The following LPIN1 variants were observed in gnomAD, a reference collection of about 807,000 sequenced individuals.
The protein encoded by LPIN1 is phosphatidate phosphatase LPIN1.
A neutral mutation model predicts 107.5 loss-of-function variants in LPIN1; 71 were observed. That is an observed-to-expected ratio of 0.66 (90% CI 0.55 to 0.80). The LOEUF is 0.80. Ranked by LOEUF, LPIN1 falls within the 30% of genes least tolerant of loss-of-function variation. LPIN1 has a pLI of 0.00. For missense variants in LPIN1, 1,043 were observed against 1,160.6 expected (o/e 0.90, Z 1.47); for synonymous variants, 445 against 452.6 (o/e 0.98, Z 0.21).
rs142424992 is a variant in LPIN1 at position 11,750,091 on chromosome 2, C to T, written c.-10+3420C>T. Among the ~76,000 whole-genome samples the T allele has an allele frequency of 5.1e-3, 783 of 152,312 alleles. 13 individuals are homozygous for T. Among genetic ancestry groups the T allele is most frequent in the African/African-American group, 0.018 (743 of 41,560 alleles). On this transcript the variant is annotated intron_variant, in intron 1 of 20. Coordinates refer to ENST00000674199, the MANE Select transcript of LPIN1 (RefSeq NM_001349206.2). ...CACGCACTTGTGCCCCCCTCCCCTCCCCGGCCTCGCTCCCTGGAAGCCCTC... is the reference window on the plus strand; with the variant it reads ...CACGCACTTGTGCCCCCCTCCCCTCTCCGGCCTCGCTCCCTGGAAGCCCTC...
intron 16 of LPIN1, among the ~76,000 whole-genome samples, chr2:11,804,865 T>C (rs970876977): frequency 1.3e-5 from 2 of 152,144 alleles, no homozygotes; most frequent in African/African-American, 2.4e-5. Flanking sequence ...GTCACCTCGA[T>C]GCATGATCAG....
intron 1 of LPIN1, among the ~76,000 whole-genome samples, chr2:11,685,911 G>A (rs183324644): frequency 6.6e-6 from 1 of 152,194 alleles, no homozygotes; most frequent in African/African-American, 2.4e-5. Context: ...TTCTTTTGGG[G>A]TTGCATTCAA....
At chr2:11,824,345 C>T (rs1682066640) in intron 20 of LPIN1, among the ~76,000 whole-genome samples, 1 of 151,456 alleles carries the variant, frequency 6.6e-6, no homozygotes, top group Non-Finnish European at 1.5e-5. Context: ...GTGACTTCCT[C>T]CTGCCGTCTT....
At chr2:11,768,976 C>A (rs6745921) in intron 3 of LPIN1, among the ~76,000 whole-genome samples, 2,870 of 152,046 alleles carry the variant, frequency 0.019, 89 homozygotes, top group African/African-American at 0.064. Flanking sequence ...CCAAAAAAAA[C>A]CAACTTGGGT....
At chr2:11,709,685 C>T (rs958158485) in intron 1 of LPIN1, among the ~76,000 whole-genome samples, 1 of 152,224 alleles carries the variant, frequency 6.6e-6, no homozygotes, top group African/African-American at 2.4e-5. Context: ...AAATGTTACC[C>T]TGCTTTTACA....
chr2:11,756,481 TG>T (rs1668708646), intron 1 of LPIN1, among the ~76,000 whole-genome samples: 1 of 152,138 alleles, frequency 6.6e-6, no homozygotes, highest in Non-Finnish European at 1.5e-5. Flanking sequence ...CTCTGCCTCC[TG>T]GGTTCAAGCA....
chr2:11,764,557 G>A (rs1322161282), intron 1 of LPIN1, among the ~76,000 whole-genome samples: 4 of 152,232 alleles, frequency 2.6e-5, no homozygotes, highest in South Asian at 2.1e-4. Flanking sequence ...AGGAGAGATG[G>A]CCTGAATGTT....
chr2:11,799,764 A>C (rs559780584), intron 14 of LPIN1, among the ~76,000 whole-genome samples: 140 of 152,130 alleles, frequency 9.2e-4, no homozygotes, highest in African/African-American at 3.2e-3. Context: ...TTTTGGGTGG[A>C]TGTGATTCAG....
At position 11,786,675 on chromosome 2, in the gene LPIN1, G is replaced by A. The variant is rs1177298665; in HGVS notation, c.1550-399G>A. On this transcript the variant is annotated intron_variant, in intron 10 of 20. Coordinates refer to ENST00000674199, the MANE Select transcript of LPIN1 (RefSeq NM_001349206.2). This position sits in a 1 kb window ranked among gnomAD's most constrained non-coding sequence, Gnocchi z 4.1. ...CCCCATGCTAGAGGAGGGAACTGGGGCCTGGGAGGTGAACCGCTTGCCCAG... is the reference window on the plus strand; with the variant it reads ...CCCCATGCTAGAGGAGGGAACTGGGACCTGGGAGGTGAACCGCTTGCCCAG... 6.6e-6 allele frequency among the ~76,000 whole-genome samples: 1 copy of A among 152,188 alleles called. No homozygotes were observed. The highest frequency in any genetic ancestry group is 1.9e-4 in the East Asian group (1 of 5,190).
At chr2:11,713,258 A>G (rs1024376824) in intron 1 of LPIN1, among the ~76,000 whole-genome samples, 1 of 152,348 alleles carries the variant, frequency 6.6e-6, no homozygotes, top group African/African-American at 2.4e-5. Context: ...ATGTGCTCAA[A>G]GAAAAGACAC....
intron 1 of LPIN1, among the ~76,000 whole-genome samples, chr2:11,689,196 T>C (rs577548879): frequency 6.6e-5 from 10 of 152,218 alleles, no homozygotes; most frequent in African/African-American, 1.2e-4. Flanking sequence ...TACCGATCCT[T>C]GTAAGAAACA....
intron 1 of LPIN1, among the ~76,000 whole-genome samples, chr2:11,711,171 C>T (rs1031373571): frequency 2.6e-5 from 4 of 152,112 alleles, no homozygotes; most frequent in East Asian, 3.8e-4. Flanking sequence ...TTCTGGTGCC[C>T]GTGTGACTGT....
rs1311091364 is a variant in LPIN1, at chr2:11,697,890, G to C, written c.82-15866G>C. Among the ~76,000 whole-genome samples, 1 of 152,268 alleles carries C rather than the reference G, an allele frequency of 6.6e-6. No homozygotes were observed. Among genetic ancestry groups the C allele is most frequent in the African/African-American group, 2.4e-5 (1 of 41,566 alleles). ...TGCTCAGAAATGCAGGTTCTCCCGA[G>C]GGGCAGCCCTCAGTCACAAGCCAGA... On this transcript the variant is annotated intron_variant, in intron 1 of 21. Coordinates refer to the LPIN1 transcript ENST00000449576. The surrounding 1 kb of genome is among the most constrained non-coding windows in gnomAD (Gnocchi z 4.6).
chr2:11,798,496 CA>C (rs1558257412), intron 14 of LPIN1, among the ~76,000 whole-genome samples: 1 of 152,184 alleles, frequency 6.6e-6, no homozygotes, highest in Non-Finnish European at 1.5e-5. Flanking sequence ...TCAGCTCTTG[CA>C]GTTTACTTGG....
intron 7 of LPIN1, among the ~76,000 whole-genome samples, chr2:11,781,066 T>C (rs1345492276): frequency 6.6e-6 from 1 of 152,226 alleles, no homozygotes; most frequent in African/African-American, 2.4e-5. Flanking sequence ...TGTAAGGTCC[T>C]TAGAAGATGC....
intron 9 of LPIN1, chr2:11,784,442 C>T (rs1360551733): frequency 1.3e-5 from 14 of 1,109,268 alleles, no homozygotes; most frequent in Non-Finnish European, 1.6e-5. Flanking sequence ...CAGCACCGGG[C>T]TGCCCTCCCT....
intron 18 of LPIN1, chr2:11,818,013 T>C (rs1680890839): frequency 6.7e-6 from 1 of 150,086 alleles, no homozygotes; most frequent in South Asian, 2.1e-4. Flanking sequence ...AAAGCAAGTA[T>C]CTGTGAACGT....
chr2:11,712,993 CT>C, intron 1 of LPIN1, among the ~76,000 whole-genome samples: 1 of 152,174 alleles, frequency 6.6e-6, no homozygotes, highest in Non-Finnish European at 1.5e-5. Context: ...ACTCCTGTCA[CT>C]TGGCAGGGCA....
intron 1 of LPIN1, among the ~76,000 whole-genome samples, chr2:11,759,390 G>A (rs988999140): frequency 4.0e-5 from 6 of 151,570 alleles, no homozygotes; most frequent in Non-Finnish European, 5.9e-5. Flanking sequence ...GACTCTTAAC[G>A]AGCCTGCTGC....
Sources: gnomAD v4.1 joint callset for allele counts (sites outside exome capture counted in the v4.1 genomes callset) on GRCh38, gnomAD v4.1.1 for gene constraint, Gnocchi (gnomAD v3.1) non-coding constraint, MANE v1.5 for transcripts, NCBI Gene and HGNC (gene_info 2026-07-23, HGNC 2026-07-21) for gene names.